Variants in PCDH9 observed in about 807,000 individuals in gnomAD.
PCDH9 encodes protocadherin-9.
A neutral mutation model predicts 70.6 loss-of-function variants in PCDH9; 24 were observed. The ratio of observed to expected loss-of-function variants is 0.34; its 90% confidence interval spans 0.25 to 0.48. The LOEUF is 0.48. PCDH9 is among the 20% of genes least tolerant of loss of function. PCDH9 has a pLI of 0.99. For missense variants in PCDH9, 1,281 were observed against 1,503.6 expected (o/e 0.85, Z 2.45); for synonymous variants, 562 against 558.5 (o/e 1.01, Z -0.09).
chr13:66,757,208 C>T (rs553455570), intron 3 of PCDH9, among the ~76,000 whole-genome samples: 10 of 152,200 alleles, frequency 6.6e-5, no homozygotes, highest in African/African-American at 2.4e-4. Flanking sequence ...TCTTCTAGAG[C>T]AACTTTGAAA....
intron 3 of PCDH9, among the ~76,000 whole-genome samples, chr13:66,805,679 T>C (rs17081881): frequency 1.3e-5 from 2 of 152,026 alleles, no homozygotes; most frequent in Non-Finnish European, 2.9e-5. Context: ...AAAAATAGAA[T>C]TGTTGATATA....
At chr13:66,529,983 C>G (rs774422083) in intron 4 of PCDH9, among the ~76,000 whole-genome samples, 1 of 151,714 alleles carries the variant, frequency 6.6e-6, no homozygotes, top group African/African-American at 2.4e-5. Flanking sequence ...AATACACATA[C>G]AACACATTTA....
chr13:67,205,486 G>A (rs2089316638), intron 2 of PCDH9: 2 of 152,168 alleles, frequency 1.3e-5, no homozygotes, highest in African/African-American at 4.8e-5. Context: ...AAAATGCAAG[G>A]TTCAGAATTC....
At chr13:67,146,347 T>A (rs1219820585) in intron 2 of PCDH9, among the ~76,000 whole-genome samples, 1 of 152,070 alleles carries the variant, frequency 6.6e-6, no homozygotes, top group African/African-American at 2.4e-5. Context: ...AAAACACATA[T>A]AAAAATGTGA....
chr13:66,414,930 A>C lies in PCDH9; in HGVS notation c.3341-109902T>G, dbSNP rs949583278. On this transcript the variant is annotated intron_variant, in intron 4 of 4. Transcript: ENST00000377865. Reference sequence around the variant, plus strand: ...ACTTACAAAAATAAGACAAAAAGAAACATCTGAAAGCGTAAAAATAATGTA... The same window carrying C: ...ACTTACAAAAATAAGACAAAAAGAACCATCTGAAAGCGTAAAAATAATGTA... Among the ~76,000 whole-genome samples, 6 of 152,162 alleles carry C rather than the reference A, an allele frequency of 3.9e-5. No homozygotes were observed. In the East Asian group the frequency reaches 1.2e-3, roughly 29 times the overall value.
In PCDH9 at chr13:66,412,110, T is replaced by C. The variant is rs570394567; in HGVS notation, c.3341-107082A>G. ...AACCTAGCTTGAAAGCAGATATTAA[T>C]GTTTGGGACTTCATAAAACTCTGAG... On this transcript the variant is annotated intron_variant, in intron 4 of 4. Transcript: ENST00000377865. 3.3e-5 allele frequency among the ~76,000 whole-genome samples: 5 copies of C among 152,286 alleles called. No individual in the cohort carries two copies. In the East Asian group the frequency reaches 9.6e-4, roughly 29 times the overall value.
intron 3 of PCDH9, among the ~76,000 whole-genome samples, chr13:66,781,292 C>T (rs931026969): frequency 1.3e-5 from 2 of 152,142 alleles, no homozygotes; most frequent in African/African-American, 2.4e-5. Context: ...ACATTCTGCC[C>T]TTACCAGCAA....
chr13:67,081,245 G>A (rs2138183916), intron 2 of PCDH9, among the ~76,000 whole-genome samples: 1 of 152,246 alleles, frequency 6.6e-6, no homozygotes, highest in South Asian at 2.1e-4. Context: ...TTTGAGCATT[G>A]CAGTTATTTT....
rs566365743 is a variant in PCDH9 at position 66,381,558 on chromosome 13, TACA to T, written c.3341-76533_3341-76531del. On this transcript the variant is annotated intron_variant, in intron 4 of 4. Transcript: ENST00000377865. ...CGTTCTCTGAAACATAGAAACAAAA[TACA>T]ACAACAACAACAAATGTGCCCTAAA... Among the ~76,000 whole-genome samples, 38 of 152,186 alleles carry T rather than the reference TACA, an allele frequency of 2.5e-4. No individual in the cohort carries two copies. The South Asian group carries it at 7.1e-3, about 28-fold the overall frequency.
intron 4 of PCDH9, among the ~76,000 whole-genome samples, chr13:66,554,273 T>C (rs1961625448): frequency 6.6e-6 from 1 of 152,142 alleles, no homozygotes; most frequent in South Asian, 2.1e-4. Flanking sequence ...AGTCATTAAA[T>C]ATACAGCCAT....
At chr13:66,826,309 G>T (rs1370946877) in intron 3 of PCDH9, among the ~76,000 whole-genome samples, 1 of 152,008 alleles carries the variant, frequency 6.6e-6, no homozygotes, top group Non-Finnish European at 1.5e-5. Context: ...CCTAGTTTTT[G>T]GTTTTTTGGT....
intron 4 of PCDH9, among the ~76,000 whole-genome samples, chr13:66,503,472 T>C (rs759394758): frequency 6.6e-6 from 1 of 152,234 alleles, no homozygotes; most frequent in Non-Finnish European, 1.5e-5. Flanking sequence ...ACTACACAAA[T>C]ACTATTTGAA....
intron 2 of PCDH9, chr13:67,201,217 C>T (rs929336622): frequency 2.6e-5 from 4 of 151,866 alleles, no homozygotes; most frequent in Non-Finnish European, 5.9e-5. Flanking sequence ...AGGTATATAT[C>T]CGTTTAAATA....
chr13:66,371,502 G>A (rs1956651727), intron 4 of PCDH9, among the ~76,000 whole-genome samples: 1 of 151,964 alleles, frequency 6.6e-6, no homozygotes, highest in Admixed American at 6.6e-5. Flanking sequence ...TTTGTTGGAG[G>A]GGTATGTATT....
At chr13:66,844,459 C>T (rs767990405) in intron 3 of PCDH9, among the ~76,000 whole-genome samples, 1 of 151,874 alleles carries the variant, frequency 6.6e-6, no homozygotes, top group Non-Finnish European at 1.5e-5. Flanking sequence ...GTGGGGGGTG[C>T]CTGCAATCCC....
chr13:66,489,086 A>T lies in PCDH9; in HGVS notation c.3340+142124T>A, dbSNP rs78210462. Among the ~76,000 whole-genome samples, 706 of 152,294 alleles carry T rather than the reference A, an allele frequency of 4.6e-3. 31 individuals are homozygous for T. The East Asian group carries it at 0.091, about 20-fold the overall frequency. On this transcript the variant is annotated intron_variant, in intron 4 of 4. Transcript: ENST00000377865. The stretch of plus-strand genomic sequence containing the variant: ...ATTTTAACAACTTGCAAAGTTTTCA[A>T]TCTACAGAATTAATATATAGGTAGA...
chr13:66,707,054 G>A (rs182645216), intron 3 of PCDH9, among the ~76,000 whole-genome samples: 2 of 152,184 alleles, frequency 1.3e-5, no homozygotes, highest in Non-Finnish European at 2.9e-5. Flanking sequence ...ATGAGCTGAG[G>A]TTCCTTTAAA....
intron 4 of PCDH9, among the ~76,000 whole-genome samples, chr13:66,506,431 G>C (rs1465772494): frequency 6.6e-6 from 1 of 152,130 alleles, no homozygotes; most frequent in African/African-American, 2.4e-5. Context: ...TTATTATAAG[G>C]TTCCCCAGAG....
intron 4 of PCDH9, among the ~76,000 whole-genome samples, chr13:66,445,630 T>TTA (rs543489499): frequency 7.2e-6 from 1 of 138,008 alleles, no homozygotes; most frequent in Non-Finnish European, 1.6e-5. Context: ...CACATATATA[T>TTA]TATATACACA....
Sources: gnomAD v4.1 joint callset for allele counts (sites outside exome capture counted in the v4.1 genomes callset) on GRCh38, gnomAD v4.1.1 for gene constraint, MANE v1.5 for transcripts, NCBI Gene and HGNC (gene_info 2026-07-23, HGNC 2026-07-21) for gene names.